Variants in NRXN1 observed in about 807,000 individuals in gnomAD.
The protein encoded by NRXN1 is neurexin-1.
NRXN1 carries 39 observed loss-of-function variants against 150.9 expected under a neutral mutation model. The observed-to-expected ratio is 0.26, with a 90% confidence interval of 0.20 to 0.34. NRXN1 has a LOEUF of 0.34. Among genes scored for constraint, NRXN1 ranks in the 10% least tolerant of loss-of-function variants. The probability of loss-of-function intolerance (pLI) is 1.00; values close to 1 mark genes in which losing one functional copy is unlikely to be tolerated. For synonymous variants in NRXN1, 924 were observed against 757.0 expected (o/e 1.22, Z -3.62); for missense variants, 1,815 against 1,949.9 (o/e 0.93, Z 1.30).
chr2:50,092,513 C>T (rs187501325), intron 18 of NRXN1, among the ~76,000 whole-genome samples: 53 of 152,070 alleles, frequency 3.5e-4, no homozygotes, highest in African/African-American at 1.1e-3. Context: ...AGAAATCACA[C>T]GGAGGAAGAA....
At chr2:50,350,361 A>G (rs1208079058) in intron 17 of NRXN1, among the ~76,000 whole-genome samples, 1 of 152,192 alleles carries the variant, frequency 6.6e-6, no homozygotes, top group Non-Finnish European at 1.5e-5. Context: ...CATTTTAAAC[A>G]GCAAAGTCAC....
chr2:50,891,401 T>C (rs1681043947), intron 5 of NRXN1, among the ~76,000 whole-genome samples: 1 of 152,066 alleles, frequency 6.6e-6, no homozygotes, highest in South Asian at 2.1e-4. Flanking sequence ...TAACCTTCTT[T>C]CCTTTTTCAC....
chr2:50,921,813 C>G (rs1686077468), intron 5 of NRXN1, 56 bp downstream of exon 5: 1 of 874,406 alleles, frequency 1.1e-6, no homozygotes, highest in East Asian at 3.0e-5. Flanking sequence ...TTATGTAACT[C>G]AGACACACTG....
chr2:50,641,735 C>T (rs538415509), intron 5 of NRXN1, among the ~76,000 whole-genome samples: 2 of 152,176 alleles, frequency 1.3e-5, no homozygotes, highest in South Asian at 2.1e-4. Context: ...ATATCACATT[C>T]AGCAGAAAAG....
chr2:50,886,403 T>C (rs1230420658), intron 5 of NRXN1, among the ~76,000 whole-genome samples: 1 of 151,422 alleles, frequency 6.6e-6, no homozygotes, highest in Admixed American at 6.6e-5. Context: ...AATTTTGGCT[T>C]GTTTGTTTTA....
intron 8 of NRXN1, among the ~76,000 whole-genome samples, chr2:50,600,286 T>A (rs925557154): frequency 2.7e-5 from 4 of 149,266 alleles, no homozygotes; most frequent in Admixed American, 1.3e-4. Context: ...CAAAAAAAAA[T>A]AGAAAAATTT....
At chr2:50,106,590 T>C (rs1445337701) in intron 18 of NRXN1, among the ~76,000 whole-genome samples, 2 of 152,016 alleles carry the variant, frequency 1.3e-5, no homozygotes, top group Admixed American at 6.6e-5. Flanking sequence ...TGAACAAATG[T>C]GAACCTAGCA....
intron 18 of NRXN1, among the ~76,000 whole-genome samples, chr2:50,135,388 C>T (rs1407670631): frequency 6.6e-6 from 1 of 152,156 alleles, no homozygotes; most frequent in African/African-American, 2.4e-5. Context: ...TCTTTTCTTA[C>T]AAACTGTAGA....
At chr2:50,163,186 A>ATATATATATATATAT (rs10671380) in intron 18 of NRXN1, among the ~76,000 whole-genome samples, 17 of 143,508 alleles carry the variant, frequency 1.2e-4, no homozygotes, top group Non-Finnish European at 1.8e-4. Flanking sequence ...ATATATATAT[A>ATATATATATATATAT]AAACAATACT....
chr2:50,227,204 T>A (rs2064473661), intron 18 of NRXN1, among the ~76,000 whole-genome samples: 2 of 151,532 alleles, frequency 1.3e-5, no homozygotes, highest in Non-Finnish European at 3.0e-5. Context: ...ATTTTGCCAA[T>A]TTTTTCCAGA....
At chr2:50,911,127 TC>T (rs1262935076) in intron 5 of NRXN1, among the ~76,000 whole-genome samples, 1 of 151,938 alleles carries the variant, frequency 6.6e-6, no homozygotes, top group African/African-American at 2.4e-5. Flanking sequence ...AATTTTTGGA[TC>T]CCCCTCAAAT....
chr2:50,735,860 C>G (rs946010324), intron 5 of NRXN1, among the ~76,000 whole-genome samples: 1 of 152,156 alleles, frequency 6.6e-6, no homozygotes, highest in African/African-American at 2.4e-5. Context: ...GTACTGCCAA[C>G]TTTCCATTTT....
intron 17 of NRXN1, among the ~76,000 whole-genome samples, chr2:50,357,303 T>TTTATTTATTTA (rs1166647503): frequency 3.8e-4 from 51 of 135,906 alleles, no homozygotes; most frequent in South Asian, 2.7e-3. Context: ...TATTTATTTA[T>TTTATTTATTTA]TTTTTTTTTT....
chr2:49,997,099 A>G (rs926052614), intron 21 of NRXN1, among the ~76,000 whole-genome samples: 1 of 152,216 alleles, frequency 6.6e-6, no homozygotes, highest in African/African-American at 2.4e-5. Flanking sequence ...ATTTAAAAGC[A>G]AGATGCTGAA....
chr2:50,190,474 T>G (rs2061372233), intron 18 of NRXN1, among the ~76,000 whole-genome samples: 1 of 152,144 alleles, frequency 6.6e-6, no homozygotes, highest in Non-Finnish European at 1.5e-5. Flanking sequence ...GTTATTTAGT[T>G]TCTAGTATTA....
chr2:50,193,378 C>A (rs1574424925), intron 18 of NRXN1, among the ~76,000 whole-genome samples: 1 of 152,112 alleles, frequency 6.6e-6, no homozygotes, highest in Admixed American at 6.5e-5. Flanking sequence ...CTTATGATTT[C>A]TTTTTCCTTT....
At chr2:50,663,606 G>T (rs914611428) in intron 5 of NRXN1, among the ~76,000 whole-genome samples, 43 of 151,992 alleles carry the variant, frequency 2.8e-4, no homozygotes, top group African/African-American at 8.9e-4. Context: ...GTTTGGGTTG[G>T]ACTAATTTCA....
chr2:50,815,910 C>T (rs1037262818), intron 5 of NRXN1, among the ~76,000 whole-genome samples: 1 of 152,116 alleles, frequency 6.6e-6, no homozygotes, highest in Admixed American at 6.6e-5. Context: ...GAATATCTCT[C>T]TTCAGAGAAC....
chr2:50,325,761 G>A (rs1033664225), intron 17 of NRXN1, among the ~76,000 whole-genome samples: 2 of 152,126 alleles, frequency 1.3e-5, no homozygotes, highest in Admixed American at 6.5e-5. Flanking sequence ...AATTAGAAAT[G>A]CACACATTAG....
Sources: gnomAD v4.1 joint callset for allele counts (sites outside exome capture counted in the v4.1 genomes callset) on GRCh38, gnomAD v4.1.1 for gene constraint, MANE v1.5 for transcripts, NCBI Gene and HGNC (gene_info 2026-07-23, HGNC 2026-07-21) for gene names.